FCHO2: variants seen among roughly 807,000 people sequenced by gnomAD.
The protein encoded by FCHO2 is FCH and mu domain containing endocytic adaptor 2.
Under a neutral mutation model 114.1 loss-of-function variants are expected in FCHO2, and 43 were observed. The ratio of observed to expected loss-of-function variants is 0.38; its 90% CI spans 0.30 to 0.49. FCHO2 has a LOEUF of 0.49. Among genes scored for constraint, FCHO2 ranks in the 20% least tolerant of loss-of-function variants. The pLI is 0.97. For synonymous variants in FCHO2, 293 were observed against 315.2 expected, an observed-to-expected ratio of 0.93 and a Z score of 0.75; for missense variants, 807 against 950.4, an observed-to-expected ratio of 0.85 and a Z score of 1.98.
chr5:73,035,263 T>G (rs1253082164), intron 9 of FCHO2, among the ~76,000 whole-genome samples: 1 of 151,856 alleles, frequency 6.6e-6, no homozygotes, highest in Non-Finnish European at 1.5e-5. Context: ...ACAAAAAAAC[T>G]TTTAAAATTA....
intron 8 of FCHO2, among the ~76,000 whole-genome samples, chr5:73,030,877 C>G (rs771002232): frequency 1.3e-5 from 2 of 152,150 alleles, no homozygotes; most frequent in Non-Finnish European, 2.9e-5. Context: ...AAAACACATA[C>G]TCCTGAAGTG....
chr5:73,056,955 A>G (rs559351546), intron 16 of FCHO2, among the ~76,000 whole-genome samples: 32 of 151,840 alleles, frequency 2.1e-4, no homozygotes, highest in Admixed American at 5.2e-4. Flanking sequence ...CTTTGAGTTA[A>G]TGGTTTTTTG....
At chr5:72,972,950 T>C (rs1171071247) in intron 2 of FCHO2, among the ~76,000 whole-genome samples, 1 of 152,232 alleles carries the variant, frequency 6.6e-6, no homozygotes, top group Non-Finnish European at 1.5e-5. Context: ...TCTGCATGTA[T>C]TGAGATAATC....
intron 5 of FCHO2, among the ~76,000 whole-genome samples, chr5:73,006,071 T>C (rs192893889): frequency 1.8e-3 from 271 of 152,182 alleles, no homozygotes; most frequent in Non-Finnish European, 3.5e-3. Flanking sequence ...CACGTTCTGG[T>C]GGTATTGTGA....
intron 5 of FCHO2, among the ~76,000 whole-genome samples, chr5:72,993,852 T>C (rs568161774): frequency 2.0e-5 from 3 of 152,180 alleles, no homozygotes; most frequent in Admixed American, 2.0e-4. Context: ...TTGAAAGAAA[T>C]GGTCTGTCAA....
intron 17 of FCHO2, among the ~76,000 whole-genome samples, chr5:73,058,866 A>C (rs977357270): frequency 5.3e-5 from 8 of 152,150 alleles, no homozygotes; most frequent in South Asian, 4.1e-4. Context: ...TTTAAGTTGC[A>C]TCTAATTTTC....
chr5:72,964,682 C>A (rs1480819880), intron 1 of FCHO2, among the ~76,000 whole-genome samples: 2 of 152,210 alleles, frequency 1.3e-5, no homozygotes, highest in Admixed American at 1.3e-4. Flanking sequence ...GCTACCGCGC[C>A]TGAGCATTCT....
chr5:73,032,865 G>A (rs143633910), intron 8 of FCHO2, among the ~76,000 whole-genome samples: 45 of 152,168 alleles, frequency 3.0e-4, no homozygotes, highest in African/African-American at 8.7e-4. Flanking sequence ...CTCAACAGAC[G>A]ATTATATTTT....
At chr5:73,001,388 G>T (rs1754424114) in intron 5 of FCHO2, among the ~76,000 whole-genome samples, 1 of 147,292 alleles carries the variant, frequency 6.8e-6, no homozygotes, top group Non-Finnish European at 1.5e-5. Context: ...GGTTGAGGCT[G>T]CAGTGAGCCA....
intron 1 of FCHO2, 90 bp downstream of exon 1, chr5:72,956,219 C>A: frequency 6.7e-7 from 1 of 1,485,578 alleles, no homozygotes; most frequent in Non-Finnish European, 9.0e-7. Flanking sequence ...GCGGCGGCGG[C>A]GGCCCCTCCG....
chr5:72,997,811 G>T (rs1754206019), intron 5 of FCHO2, among the ~76,000 whole-genome samples: 1 of 152,210 alleles, frequency 6.6e-6, no homozygotes, highest in Non-Finnish European at 1.5e-5. Context: ...CTGGATGGAC[G>T]CATGGGCCTG....
chr5:73,040,584 G>A (rs1756756187), intron 10 of FCHO2, among the ~76,000 whole-genome samples: 1 of 152,104 alleles, frequency 6.6e-6, no homozygotes, highest in Non-Finnish European at 1.5e-5. Flanking sequence ...CATAAACATA[G>A]TTTTACATTT....
chr5:73,051,779 A>G (rs2112835863), intron 12 of FCHO2, among the ~76,000 whole-genome samples: 1 of 152,120 alleles, frequency 6.6e-6, no homozygotes, highest in East Asian at 1.9e-4. Flanking sequence ...TTGGCCAGCC[A>G]GGCTGGTGAA....
intron 8 of FCHO2, among the ~76,000 whole-genome samples, chr5:73,033,706 C>T (rs1449300230): frequency 6.6e-6 from 1 of 152,096 alleles, no homozygotes. Flanking sequence ...TACTAAATGA[C>T]AGCTTAGTGG....
intron 20 of FCHO2, among the ~76,000 whole-genome samples, chr5:73,076,179 G>C (rs140388171): frequency 1.3e-5 from 2 of 152,242 alleles, no homozygotes; most frequent in East Asian, 3.9e-4. Flanking sequence ...ATCTGATGCT[G>C]CTTGACAGGT....
intron 8 of FCHO2, among the ~76,000 whole-genome samples, chr5:73,030,933 A>C (rs1401651016): frequency 6.6e-6 from 1 of 152,228 alleles, no homozygotes; most frequent in Non-Finnish European, 1.5e-5. Context: ...AGCAAAAGAA[A>C]AAAATTGTAT....
intron 2 of FCHO2, among the ~76,000 whole-genome samples, chr5:72,983,879 C>T (rs1347002461): frequency 6.6e-6 from 1 of 151,088 alleles, no homozygotes; most frequent in African/African-American, 2.4e-5. Flanking sequence ...TATATATATA[C>T]ATTTATATTG....
chr5:73,011,242 G>A lies in FCHO2; in HGVS notation c.601-4384G>A, dbSNP rs150285376. Among the ~76,000 whole-genome samples, 281 of 152,236 alleles carry A rather than the reference G, an allele frequency of 1.8e-3. 3 individuals carry two copies. Among genetic ancestry groups the A allele is most frequent in the African/African-American group, 6.4e-3 (264 of 41,544 alleles). ...CACTACTGTAGATTTTATAAGCACTGTAGATTTAGGTTACATTAAATTTTA... is the reference window on the plus strand; with the variant it reads ...CACTACTGTAGATTTTATAAGCACTATAGATTTAGGTTACATTAAATTTTA... On this transcript the variant is annotated intron_variant, in intron 6 of 25. Transcript: ENST00000430046.
intron 18 of FCHO2, among the ~76,000 whole-genome samples, chr5:73,067,848 A>T (rs1261225244): frequency 6.6e-6 from 1 of 152,020 alleles, no homozygotes; most frequent in Non-Finnish European, 1.5e-5. Context: ...CTACTGAATT[A>T]TTGGTACAGT....
Sources: gnomAD v4.1 joint callset for allele counts (sites outside exome capture counted in the v4.1 genomes callset) on GRCh38, gnomAD v4.1.1 for gene constraint, MANE v1.5 for transcripts, NCBI Gene and HGNC (gene_info 2026-07-23, HGNC 2026-07-21) for gene names.